The following DLGAP2 variants were observed in gnomAD, a reference collection of about 807,000 sequenced individuals.
DLGAP2 encodes DLG associated protein 2, also known as disks large-associated protein 2.
A neutral mutation model predicts 100.3 loss-of-function variants in DLGAP2; 26 were observed. The ratio of observed to expected loss-of-function variants is 0.26; its 90% CI spans 0.19 to 0.36. DLGAP2 has a LOEUF of 0.36. Among genes scored for constraint, DLGAP2 ranks in the 10% least tolerant of loss-of-function variants. The pLI is 1.00. For missense variants in DLGAP2, 1,858 were observed against 1,453.2 expected (o/e 1.28, Z -4.53); for synonymous variants, 886 against 630.1 (o/e 1.41, Z -6.08).
At chr8:1,582,864 G>A (rs1240231353) in intron 6 of DLGAP2, among the ~76,000 whole-genome samples, 5 of 152,142 alleles carry the variant, frequency 3.3e-5, no homozygotes, top group Non-Finnish European at 7.4e-5. Context: ...TCCTAAGAAA[G>A]GAAGTTCTTT....
chr8:820,405 G>A (rs1416946028), intron 1 of DLGAP2, among the ~76,000 whole-genome samples: 1 of 152,064 alleles, frequency 6.6e-6, no homozygotes, highest in Admixed American at 6.5e-5. Context: ...GGGGCTAATA[G>A]GCAAATGACA....
intron 2 of DLGAP2, among the ~76,000 whole-genome samples, chr8:1,090,357 C>T (rs574480823): frequency 3.0e-5 from 4 of 132,930 alleles, no homozygotes; most frequent in Admixed American, 2.6e-4. Flanking sequence ...CCCTCCTGGC[C>T]AGGCAGGGGT....
chr8:801,157 C>G (rs1796144293), intron 1 of DLGAP2, among the ~76,000 whole-genome samples: 2 of 152,262 alleles, frequency 1.3e-5, no homozygotes, highest in Non-Finnish European at 2.9e-5. Flanking sequence ...GTGTTTCTCT[C>G]TCACTTCACA....
intron 3 of DLGAP2, among the ~76,000 whole-genome samples, chr8:1,267,008 C>G (rs1047204607): frequency 7.9e-5 from 12 of 151,708 alleles, no homozygotes; most frequent in African/African-American, 2.9e-4. Context: ...GTGGGCAGAT[C>G]ACAAGGTCAG....
chr8:792,417 C>T (rs1176216135), intron 1 of DLGAP2, among the ~76,000 whole-genome samples: 1 of 152,192 alleles, frequency 6.6e-6, no homozygotes, highest in Non-Finnish European at 1.5e-5. Context: ...ACTTATAGCA[C>T]AGTGCTGAAT....
chr8:1,033,578 G>C (rs1802033834), intron 2 of DLGAP2, among the ~76,000 whole-genome samples: 1 of 152,208 alleles, frequency 6.6e-6, no homozygotes, highest in South Asian at 2.1e-4. Flanking sequence ...CAAGGCAGGA[G>C]GATAGCTTGA....
At chr8:1,670,629 A>C (rs1798667814) in intron 10 of DLGAP2, among the ~76,000 whole-genome samples, 1 of 152,172 alleles carries the variant, frequency 6.6e-6, no homozygotes, top group African/African-American at 2.4e-5. Flanking sequence ...GTGCTGGGTG[A>C]GGATGGATGC....
At chr8:1,309,686 A>G (rs757422773) in intron 3 of DLGAP2, among the ~76,000 whole-genome samples, 6 of 152,244 alleles carry the variant, frequency 3.9e-5, no homozygotes, top group Non-Finnish European at 7.3e-5. Context: ...CAGGAAAACC[A>G]ACAAGATTAT....
chr8:1,128,699 G>T (rs1352590525), intron 2 of DLGAP2, among the ~76,000 whole-genome samples: 1 of 152,194 alleles, frequency 6.6e-6, no homozygotes, highest in Non-Finnish European at 1.5e-5. Flanking sequence ...TAGCTACTTG[G>T]TATTTTATAT....
chr8:997,559 G>T (rs999759355), intron 2 of DLGAP2, among the ~76,000 whole-genome samples: 3 of 152,054 alleles, frequency 2.0e-5, no homozygotes, highest in Admixed American at 1.3e-4. Flanking sequence ...ATGATACTCT[G>T]TGGTATTTTA....
At chr8:1,179,643 A>C (rs1282982513) in intron 2 of DLGAP2, among the ~76,000 whole-genome samples, 2 of 151,988 alleles carry the variant, frequency 1.3e-5, no homozygotes, top group African/African-American at 4.8e-5. Flanking sequence ...CTGTTTTTCT[A>C]TGTGTATTGC....
intron 5 of DLGAP2, among the ~76,000 whole-genome samples, chr8:1,559,503 A>G (rs1396836870): frequency 2.0e-5 from 3 of 152,218 alleles, no homozygotes; most frequent in Non-Finnish European, 4.4e-5. Context: ...TCTGGTTGAC[A>G]TTCTTTCTGT....
At chr8:1,449,247 G>C (rs975103159) in intron 3 of DLGAP2, among the ~76,000 whole-genome samples, 8 of 152,216 alleles carry the variant, frequency 5.3e-5, no homozygotes, top group Non-Finnish European at 5.9e-5. Flanking sequence ...ACGTACCAAT[G>C]AAGTCCTCAC....
chr8:848,885 A>C (rs1245260988), intron 1 of DLGAP2, among the ~76,000 whole-genome samples: 4 of 127,500 alleles, frequency 3.1e-5, no homozygotes, highest in African/African-American at 8.1e-5. Flanking sequence ...CTGTTCCAGC[A>C]TAGGAACGCG....
At chr8:1,433,160 C>A (rs1305215840) in intron 3 of DLGAP2, among the ~76,000 whole-genome samples, 1 of 152,224 alleles carries the variant, frequency 6.6e-6, no homozygotes, top group African/African-American at 2.4e-5. Context: ...GAGCCCAAAG[C>A]CCCTCCAGGA....
At chr8:872,190 T>A (rs1170734199) in intron 1 of DLGAP2, among the ~76,000 whole-genome samples, 1 of 152,138 alleles carries the variant, frequency 6.6e-6, no homozygotes, top group Non-Finnish European at 1.5e-5. Flanking sequence ...TAAGGTTCAT[T>A]TTTAATAATG....
intron 5 of DLGAP2, among the ~76,000 whole-genome samples, chr8:1,550,273 AGGATTGAC>A (rs1407934656): frequency 6.6e-6 from 1 of 152,132 alleles, no homozygotes; most frequent in Non-Finnish European, 1.5e-5. Flanking sequence ...GGGAGACTCG[AGGATTGAC>A]GGCACGCTAT....
rs572022605 is a variant in DLGAP2, at chr8:1,342,758, C to A, written c.106+83875C>A. On this transcript the variant is annotated intron_variant, in intron 3 of 14. Coordinates refer to ENST00000637795, the MANE Select transcript of DLGAP2 (RefSeq NM_001346810.2). ...CGAAAATTAACAAGCTTGTGAAATG[C>A]GGTGTGTGTGTTGAAGTGCCGGAAA... Among the ~76,000 whole-genome samples, 34 of 152,210 alleles carry A rather than the reference C, an allele frequency of 2.2e-4. No individual in the cohort carries two copies. In the South Asian group the frequency reaches 5.6e-3, roughly 25 times the overall value.
intron 2 of DLGAP2, among the ~76,000 whole-genome samples, chr8:955,691 T>C (rs1255136883): frequency 6.6e-6 from 1 of 152,222 alleles, no homozygotes; most frequent in Non-Finnish European, 1.5e-5. Context: ...AGATAAACTT[T>C]TGAATTATTA....
Sources: gnomAD v4.1 joint callset for allele counts (sites outside exome capture counted in the v4.1 genomes callset) on GRCh38, gnomAD v4.1.1 for gene constraint, MANE v1.5 for transcripts, NCBI Gene and HGNC (gene_info 2026-07-23, HGNC 2026-07-21) for gene names.